JDP2: variants seen among roughly 807,000 people sequenced by gnomAD.
JDP2 encodes progesterone receptor co-activator.
A neutral mutation model predicts 17.1 loss-of-function variants in JDP2; 9 were observed. The ratio of observed to expected loss-of-function variants is 0.53; its 90% CI spans 0.32 to 0.92. JDP2 has a LOEUF of 0.92. JDP2 is among the 40% of genes least tolerant of loss of function. The pLI is 0.04. For missense variants in JDP2, 179 were observed against 220.0 expected, an observed-to-expected ratio of 0.81 and a Z score of 1.18; for synonymous variants, 107 against 95.6, an observed-to-expected ratio of 1.12 and a Z score of -0.69.
At chr14:75,432,274 T>A in intron 1 of JDP2, 1 of 1,542,934 alleles carries the variant, frequency 6.5e-7, no homozygotes, top group East Asian at 2.4e-5. Flanking sequence ...GAGGTCATCC[T>A]GGGTGATTCC....
At chr14:75,435,320 T>C (rs530533316) in intron 1 of JDP2, among the ~76,000 whole-genome samples, 1 of 152,306 alleles carries the variant, frequency 6.6e-6, no homozygotes, top group Admixed American at 6.5e-5. Context: ...AACACCCACA[T>C]GCGAGAGGTC....
chr14:75,428,149 C>A lies in JDP2; in HGVS notation c.-127C>A, dbSNP rs1363872472. Reference sequence around the variant, plus strand: ...CCCGGGCCGGGACAGGCCTGGGCACCGGGCGGAGCTCCGCGGCCGGGCGGC... The same window carrying A: ...CCCGGGCCGGGACAGGCCTGGGCACAGGGCGGAGCTCCGCGGCCGGGCGGC... On this transcript the variant is annotated 5_prime_UTR_variant, in exon 1 of 4. Transcript: ENST00000651602. The surrounding 1 kb of genome is among the most constrained non-coding windows in gnomAD (Gnocchi z 5.6). The A allele has an allele frequency of 4.8e-5, 7 of 145,946 alleles. No individual in the cohort carries two copies. The highest frequency in any genetic ancestry group is 1.7e-4 in the African/African-American group (7 of 40,754). The allele number at this position is 145,946 out of a possible 1,614,324, so 9.0% of individuals were successfully genotyped here. A position where few individuals can be genotyped will look rare whatever the true frequency, so the allele number is the denominator to read the frequency against.
At chr14:75,460,155 G>A (rs2139991134) in intron 2 of JDP2, among the ~76,000 whole-genome samples, 1 of 152,336 alleles carries the variant, frequency 6.6e-6, no homozygotes, top group Non-Finnish European at 1.5e-5. Flanking sequence ...TTGATTCGAA[G>A]TCTGTGCTAG....
intron 1 of JDP2, chr14:75,432,321 A>G: frequency 1.3e-6 from 2 of 1,551,512 alleles, no homozygotes; most frequent in Non-Finnish European, 1.7e-6. Context: ...TGATTCTCCA[A>G]GATTCATGGT....
Position 75,469,360 on chromosome 14 carries a change from A to C in JDP2, c.377A>C (p.Gln126Pro). 2 of 1,614,170 alleles carry C rather than the reference A, an allele frequency of 1.2e-6. No homozygotes were observed. Among genetic ancestry groups the C allele is most frequent in the Non-Finnish European group, 1.7e-6 (2 of 1,179,994 alleles). Residue 126 changes from glutamine (Q) to proline (P), a missense_variant, in exon 4 of 4, where the codon CAG becomes CCG. By Grantham distance (76) the Gln-to-Pro change is moderately conservative. Coordinates refer to ENST00000651602, the MANE Select transcript of JDP2 (RefSeq NM_001135048.2). ...ATTGAGGAGCTGAAGCAGGAGCGGC[A>C]GCAGCTCATCCTGATGCTGAACCGA... ...TQIEELKQERQQLILMLNRHR... is the reference protein window; with the variant it reads ...TQIEELKQERPQLILMLNRHR...
At chr14:75,437,497 A>G (rs911200644) in intron 1 of JDP2, among the ~76,000 whole-genome samples, 3 of 152,142 alleles carry the variant, frequency 2.0e-5, no homozygotes, top group African/African-American at 7.2e-5. Flanking sequence ...AGCTCCACCA[A>G]TTTTAACTGT....
At chr14:75,464,436 AC>A (rs1248237542) in intron 3 of JDP2, among the ~76,000 whole-genome samples, 1 of 152,234 alleles carries the variant, frequency 6.6e-6, no homozygotes, top group African/African-American at 2.4e-5. Context: ...TATTCCCTAA[AC>A]AATGCAGCAT....
At position 75,473,171 on chromosome 14, in the gene JDP2, C is replaced by T. The variant is rs1886848083; in HGVS notation, c.*3696C>T. Reference sequence around the variant, plus strand: ...TGGATAACACGGTGAAACCCTGTCTCTACTAATAATACAAAAAATTAGCCG... The same window carrying T: ...TGGATAACACGGTGAAACCCTGTCTTTACTAATAATACAAAAAATTAGCCG... On this transcript the variant is annotated 3_prime_UTR_variant, in exon 4 of 4. Coordinates refer to ENST00000651602, the MANE Select transcript of JDP2 (RefSeq NM_001135048.2). 1 of 152,194 alleles carries T rather than the reference C, an allele frequency of 6.6e-6. No individual in the cohort carries two copies. The highest frequency in any genetic ancestry group is 2.1e-4 in the South Asian group (1 of 4,832). The allele number at this position is 152,194 out of a possible 1,614,324, so 9.4% of individuals were successfully genotyped here. A position where few individuals can be genotyped will look rare whatever the true frequency, so the allele number is the denominator to read the frequency against.
rs186048558 is a variant in JDP2, at chr14:75,466,948, T to C, written c.307-2342T>C. 2.0e-5 allele frequency among the ~76,000 whole-genome samples: 3 copies of C among 152,346 alleles called. No homozygotes were observed. In the East Asian group the frequency reaches 5.8e-4, roughly 29 times the overall value. The stretch of plus-strand genomic sequence containing the variant: ...TCTCTTTCTTCTTTATGCTATTCTC[T>C]TGCTTATAAGTTACAGTAAGCCTCT... On this transcript the variant is annotated intron_variant, in intron 3 of 3. Coordinates refer to ENST00000651602, the MANE Select transcript of JDP2 (RefSeq NM_001135048.2).
intron 2 of JDP2, among the ~76,000 whole-genome samples, chr14:75,441,338 A>G (rs1398534877): frequency 6.6e-6 from 1 of 152,228 alleles, no homozygotes; most frequent in Non-Finnish European, 1.5e-5. Context: ...CTTTGTGCTG[A>G]TGTCATTATT....
At chr14:75,468,376 C>G (rs957885098) in intron 3 of JDP2, among the ~76,000 whole-genome samples, 40 of 152,304 alleles carry the variant, frequency 2.6e-4, no homozygotes, top group African/African-American at 9.1e-4. Context: ...TTGAGAACCA[C>G]TGGTCTGAAA....
intron 2 of JDP2, among the ~76,000 whole-genome samples, chr14:75,440,213 C>T (rs1355944172): frequency 2.6e-5 from 4 of 152,316 alleles, no homozygotes; most frequent in South Asian, 4.1e-4. Context: ...TTTGCATGTC[C>T]TCTCCCTCGC....
rs1886780596 is a variant in JDP2 at position 75,470,524 on chromosome 14, A to C, written c.*1049A>C. On this transcript the variant is annotated 3_prime_UTR_variant, in exon 4 of 4. Coordinates refer to ENST00000651602, the MANE Select transcript of JDP2 (RefSeq NM_001135048.2). ...CCTCTCAGGGTCGGAGACTGTTTGG[A>C]GCCTCTGCTATAGGCCTGTTCATTT... The C allele has an allele frequency of 6.6e-6, 1 of 152,216 alleles. No individual in the cohort carries two copies. The highest frequency in any genetic ancestry group is 1.5e-5 in the Non-Finnish European group (1 of 68,038). The allele number at this position is 152,216 out of a possible 1,614,324, so 9.4% of individuals were successfully genotyped here. A position where few individuals can be genotyped will look rare whatever the true frequency, so the allele number is the denominator to read the frequency against.
At chr14:75,436,335 C>T (rs12589889) in intron 1 of JDP2, among the ~76,000 whole-genome samples, 12,911 of 152,216 alleles carry the variant, frequency 0.085, 1,201 homozygotes, top group African/African-American at 0.22. Context: ...AACTGCCCAA[C>T]GGAGAAGTAT....
At chr14:75,456,805 G>A (rs550385315) in intron 2 of JDP2, among the ~76,000 whole-genome samples, 268 of 152,276 alleles carry the variant, frequency 1.8e-3, no homozygotes, top group African/African-American at 6.1e-3. Flanking sequence ...AGTACAGCTC[G>A]GCTCAGCCAT....
rs1260288498 is a variant in JDP2, at chr14:75,473,962, T to G, written c.*4487T>G. ...TCAACTTCAACTATACACATAACATTTCATTTATTTTTTTAAAATCCCCAT... is the reference window on the plus strand; with the variant it reads ...TCAACTTCAACTATACACATAACATGTCATTTATTTTTTTAAAATCCCCAT... On this transcript the variant is annotated 3_prime_UTR_variant, in exon 4 of 4. Coordinates refer to ENST00000651602, the MANE Select transcript of JDP2 (RefSeq NM_001135048.2). The G allele has an allele frequency of 6.6e-6, 1 of 152,182 alleles. No individual in the cohort carries two copies. The highest frequency in any genetic ancestry group is 1.5e-5 in the Non-Finnish European group (1 of 68,030). The allele number at this position is 152,182 out of a possible 1,614,324, so 9.4% of individuals were successfully genotyped here.
intron 2 of JDP2, among the ~76,000 whole-genome samples, chr14:75,458,114 A>T (rs1886196406): frequency 1.3e-5 from 2 of 152,210 alleles, no homozygotes; most frequent in Admixed American, 1.3e-4. Flanking sequence ...TTGTGGTAGG[A>T]TGCGATGGAG....
intron 1 of JDP2, among the ~76,000 whole-genome samples, chr14:75,434,262 C>T (rs990292071): frequency 6.6e-6 from 1 of 152,154 alleles, no homozygotes; most frequent in Non-Finnish European, 1.5e-5. Flanking sequence ...AATGAGGATC[C>T]AATTATGAAA....
In JDP2 at chr14:75,438,263, G is replaced by C. The variant is rs941785609; in HGVS notation, c.201+142G>C. ...GGTTATCAGAAATGTGGAATCCCAG[G>C]CCTCGCCCCAGGCCTTCTGTATCAG... is the stretch of plus-strand genomic sequence containing the variant. On this transcript the variant is annotated intron_variant, in intron 2 of 3. Transcript: ENST00000651602. 16 of 630,468 alleles carry C rather than the reference G, an allele frequency of 2.5e-5. No individual in the cohort carries two copies. The African/African-American group carries it at 2.8e-4, about 11-fold the overall frequency. The allele number at this position is 630,468 out of a possible 1,614,324, so 39.1% of individuals were successfully genotyped here. A position where few individuals can be genotyped will look rare whatever the true frequency, so the allele number is the denominator to read the frequency against.
Sources: gnomAD v4.1 joint callset for allele counts (sites outside exome capture counted in the v4.1 genomes callset) on GRCh38, gnomAD v4.1.1 for gene constraint, Gnocchi (gnomAD v3.1) non-coding constraint, MANE v1.5 for transcripts, NCBI Gene and HGNC (gene_info 2026-07-23, HGNC 2026-07-21) for gene names.